SGSM1: variants seen among roughly 807,000 people sequenced by gnomAD.
SGSM1 encodes the protein RUN and TBC1 domain containing 2.
A neutral mutation model predicts 133.8 loss-of-function variants in SGSM1; 73 were observed. That is an observed-to-expected ratio of 0.55 (90% CI 0.45 to 0.66). The LOEUF is 0.66. Ranked by LOEUF, SGSM1 falls within the 30% of genes least tolerant of loss-of-function variation. The pLI is 0.00. For missense variants in SGSM1, 1,213 were observed against 1,448.1 expected, an observed-to-expected ratio of 0.84 and a Z score of 2.64; for synonymous variants, 563 against 573.0, an observed-to-expected ratio of 0.98 and a Z score of 0.25.
At chr22:24,919,695 C>A in intron 23 of SGSM1, 131 bp from the exon 24 acceptor site, 1 of 900,954 alleles carries the variant, frequency 1.1e-6, no homozygotes, top group Non-Finnish European at 1.7e-6. Context: ...GAGTTCTATC[C>A]ACTGCACCAG....
rs1185545524 is a variant in SGSM1 at position 24,806,304 on chromosome 22, T to C, written c.-22T>C. Reference sequence around the variant, plus strand: ...CACCGCCGCCACCGCCTCCTGGGACTCGGAACGCAGCGCTCGGAGCCATGG... The same window carrying C: ...CACCGCCGCCACCGCCTCCTGGGACCCGGAACGCAGCGCTCGGAGCCATGG... On this transcript the variant is annotated 5_prime_UTR_variant, in exon 1 of 25. Transcript: ENST00000400358. The C allele has an allele frequency of 1.1e-5, 16 of 1,438,082 alleles. No homozygotes were observed. Among genetic ancestry groups the C allele is most frequent in the Non-Finnish European group, 1.5e-5 (16 of 1,099,068 alleles). The allele number at this position is 1,438,082 out of a possible 1,614,324, so 89.1% of individuals were successfully genotyped here.
chr22:24,911,594 A>G (rs1206424266), intron 21 of SGSM1, among the ~76,000 whole-genome samples: 2 of 152,120 alleles, frequency 1.3e-5, no homozygotes, highest in Non-Finnish European at 2.9e-5. Flanking sequence ...GCAGTCATAA[A>G]TCATGGTGAC....
chr22:24,868,276 T>G, intron 10 of SGSM1, 100 bp from the exon 11 acceptor site: 1 of 1,481,124 alleles, frequency 6.8e-7, no homozygotes, highest in Non-Finnish European at 9.1e-7. Flanking sequence ...GATCCCTGGG[T>G]CTGGCTTGGC....
rs1601965530 is a variant in SGSM1, at chr22:24,895,217, T to C, written c.1954-6T>C. On this transcript the variant is annotated splice_polypyrimidine_tract_variant and splice_region_variant and intron_variant, in intron 17 of 24. Transcript: ENST00000400358. ...CCTCCCTCCCTCCTGCTCTTTCTTT[T>C]CTCAGTCCTCCCAGAGCTGCAGTTC... 8.4e-7 allele frequency: 1 copy of C among 1,184,494 alleles called. No homozygotes were observed. The highest frequency in any genetic ancestry group is 1.1e-6 in the Non-Finnish European group (1 of 881,392). 73.4% of individuals were successfully genotyped at this position (1,184,494 alleles called of 1,614,324 possible).
chr22:24,858,591 G>A (rs145187927), intron 8 of SGSM1, among the ~76,000 whole-genome samples: 1,926 of 148,334 alleles, frequency 0.013, 47 homozygotes, highest in African/African-American at 0.046. Context: ...AGCCGAGATC[G>A]CGCCGCTGTC....
At chr22:24,834,762 T>C (rs1378713694) in intron 2 of SGSM1, among the ~76,000 whole-genome samples, 3 of 85,876 alleles carry the variant, frequency 3.5e-5, no homozygotes, top group Non-Finnish European at 7.0e-5. Flanking sequence ...AATTTCCTTT[T>C]TTTTTTTTTT....
At chr22:24,886,202 A>C (rs1301044450) in intron 15 of SGSM1, among the ~76,000 whole-genome samples, 2 of 151,434 alleles carry the variant, frequency 1.3e-5, no homozygotes, top group Non-Finnish European at 2.9e-5. Context: ...GGAGTTCGAG[A>C]CCAGCCTGGC....
At position 24,923,681 on chromosome 22, in the gene SGSM1, GGTGCAATCTCGGCTCACCACAA is replaced by G. The variant is rs1486801626; in HGVS notation, c.3194-503_3194-482del. Among the ~76,000 whole-genome samples, 6 of 152,210 alleles carry G rather than the reference GGTGCAATCTCGGCTCACCACAA, an allele frequency of 3.9e-5. No individual in the cohort carries two copies. In the East Asian group the frequency reaches 1.2e-3, roughly 29 times the overall value. On this transcript the variant is annotated intron_variant, in intron 24 of 24. Transcript: ENST00000400358. ...CTTGTTGCCCAGGCTGGAGTGCAGT[GGTGCAATCTCGGCTCACCACAA>G]GCTCCGCCTCCTGGGTTCAAGCGAT... is the stretch of plus-strand genomic sequence containing the variant.
chr22:24,852,418 G>A (rs939006232), intron 5 of SGSM1, among the ~76,000 whole-genome samples: 7 of 151,922 alleles, frequency 4.6e-5, no homozygotes, highest in African/African-American at 1.7e-4. Context: ...GTCACACCTC[G>A]GTTCCAACTC....
intron 2 of SGSM1, among the ~76,000 whole-genome samples, chr22:24,832,657 G>T (rs1414935636): frequency 1.3e-5 from 2 of 152,200 alleles, no homozygotes; most frequent in East Asian, 1.9e-4. Flanking sequence ...TGATGAAGAT[G>T]ATGAGGATGA....
At chr22:24,911,301 T>C (rs555642175) in intron 21 of SGSM1, among the ~76,000 whole-genome samples, 1 of 151,064 alleles carries the variant, frequency 6.6e-6, no homozygotes, top group Admixed American at 6.6e-5. Flanking sequence ...TTTTTTTTTT[T>C]TTTTTTTGAG....
intron 2 of SGSM1, among the ~76,000 whole-genome samples, chr22:24,821,670 C>T (rs949065484): frequency 2.6e-5 from 4 of 152,142 alleles, no homozygotes; most frequent in South Asian, 2.1e-4. Context: ...TGCTGAAAGT[C>T]GGGATCCCTG....
intron 2 of SGSM1, among the ~76,000 whole-genome samples, chr22:24,840,590 G>A (rs1191434753): frequency 2.0e-5 from 3 of 151,840 alleles, no homozygotes; most frequent in Admixed American, 6.6e-5. Flanking sequence ...TAATCCGCCC[G>A]CCTCAGCCTC....
At chr22:24,917,941 T>C (rs1349231881) in intron 23 of SGSM1, among the ~76,000 whole-genome samples, 187 bp downstream of exon 23, 2 of 152,164 alleles carry the variant, frequency 1.3e-5, no homozygotes, top group South Asian at 4.1e-4. Flanking sequence ...TAGTAGGTGC[T>C]GTTAAGATCT....
chr22:24,812,428 C>G (rs1394323632), intron 2 of SGSM1, among the ~76,000 whole-genome samples: 1 of 152,164 alleles, frequency 6.6e-6, no homozygotes, highest in African/African-American at 2.4e-5. Context: ...GGATTCAAAC[C>G]TCATGTTGCC....
At chr22:24,914,764 G>A (rs1039476863) in intron 22 of SGSM1, among the ~76,000 whole-genome samples, 6 of 152,092 alleles carry the variant, frequency 3.9e-5, no homozygotes, top group African/African-American at 1.4e-4. Flanking sequence ...TCAACCACGG[G>A]GCAGTTGATT....
chr22:24,920,062 A>T lies in SGSM1; in HGVS notation c.3193+69A>T. ...GGAGGCCCCTTTTGGGCATCTCAGGAGGAATGAAGATGGGCTGAGATGGAT... is the reference window on the plus strand; with the variant it reads ...GGAGGCCCCTTTTGGGCATCTCAGGTGGAATGAAGATGGGCTGAGATGGAT... On this transcript the variant is annotated intron_variant, in intron 24 of 24. Coordinates refer to ENST00000400358, the MANE Select transcript of SGSM1 (RefSeq NM_001098497.3). 20 of 1,496,332 alleles carry T rather than the reference A, an allele frequency of 1.3e-5. 1 individual carries two copies. Among genetic ancestry groups the T allele is most frequent in the Non-Finnish European group, 1.8e-5 (20 of 1,110,018 alleles). The allele number at this position is 1,496,332 out of a possible 1,614,324, so 92.7% of individuals were successfully genotyped here. A position where few individuals can be genotyped will look rare whatever the true frequency, so the allele number is the denominator to read the frequency against.
intron 24 of SGSM1, among the ~76,000 whole-genome samples, chr22:24,923,978 C>T (rs1228813342): frequency 6.6e-6 from 1 of 152,086 alleles, no homozygotes; most frequent in Admixed American, 6.6e-5. Flanking sequence ...TCAATCCGCA[C>T]AGTAACTTGG....
At chr22:24,829,619 T>A (rs1928994938) in intron 2 of SGSM1, among the ~76,000 whole-genome samples, 1 of 152,184 alleles carries the variant, frequency 6.6e-6, no homozygotes, top group African/African-American at 2.4e-5. Context: ...TGAGGCAAGG[T>A]ATTCATTAGA....
Sources: gnomAD v4.1 joint callset for allele counts (sites outside exome capture counted in the v4.1 genomes callset) on GRCh38, gnomAD v4.1.1 for gene constraint, MANE v1.5 for transcripts, NCBI Gene and HGNC (gene_info 2026-07-23, HGNC 2026-07-21) for gene names.